Variants in UGCG observed in about 807,000 individuals in gnomAD.
UGCG encodes the protein ceramide glucosyltransferase.
UGCG carries 10 observed loss-of-function variants against 49.5 expected under a neutral mutation model. The observed-to-expected ratio is 0.20, with a 90% CI of 0.12 to 0.34. The LOEUF (loss-of-function observed/expected upper bound fraction) is 0.34. Ranked by LOEUF, UGCG falls within the 10% of genes least tolerant of loss-of-function variation. The pLI is 1.00. For missense variants in UGCG, 312 were observed against 483.7 expected, an observed-to-expected ratio of 0.65 and a Z score of 3.33; for synonymous variants, 182 against 158.2, an observed-to-expected ratio of 1.15 and a Z score of -1.13.
chr9:111,914,571 T>C (rs1378333478), intron 1 of UGCG, 34 bp from the exon 2 acceptor site: 4 of 1,606,182 alleles, frequency 2.5e-6, no homozygotes, highest in Non-Finnish European at 3.4e-6. Flanking sequence ...TAATGTATTC[T>C]ATAGAAATAA....
chr9:111,931,977 G>T, intron 7 of UGCG, 193 bp from the exon 8 acceptor site: 1 of 596,302 alleles, frequency 1.7e-6, no homozygotes, highest in South Asian at 2.1e-5. Flanking sequence ...TACAGTGAGT[G>T]CCACTGCACT....
chr9:111,911,929 TATATA>T (rs1838009341), intron 1 of UGCG, among the ~76,000 whole-genome samples: 1 of 25,750 alleles, frequency 3.9e-5, no homozygotes, highest in Non-Finnish European at 7.0e-5. Flanking sequence ...TATATATATA[TATATA>T]TATATATATA....
At chr9:111,919,454 G>A (rs1023927528) in intron 2 of UGCG, among the ~76,000 whole-genome samples, 11 of 151,838 alleles carry the variant, frequency 7.2e-5, no homozygotes, top group Admixed American at 6.6e-4. Flanking sequence ...CTGCACTCCA[G>A]CCTGGGTGAC....
intron 1 of UGCG, among the ~76,000 whole-genome samples, chr9:111,910,465 G>A (rs1405760855): frequency 6.6e-6 from 1 of 151,814 alleles, no homozygotes; most frequent in African/African-American, 2.4e-5. Context: ...CCTCTCTCTG[G>A]GCTGCATTCT....
At position 111,897,070 on chromosome 9, in the gene UGCG, T is replaced by C. The variant is rs1589513601; in HGVS notation, c.-146T>C. On this transcript the variant is annotated 5_prime_UTR_variant, in exon 1 of 9. Coordinates refer to ENST00000374279, the MANE Select transcript of UGCG (RefSeq NM_003358.3). Reference sequence around the variant, plus strand: ...GCGCAGGCCCTGCCCGCCCCTTCCGTCCCCACCCCCCTCCGCCCTTTCCTC... The same window carrying C: ...GCGCAGGCCCTGCCCGCCCCTTCCGCCCCCACCCCCCTCCGCCCTTTCCTC... 3 of 270,538 alleles carry C rather than the reference T, an allele frequency of 1.1e-5. No individual in the cohort carries two copies. The highest frequency in any genetic ancestry group is 6.2e-5 in the Admixed American group (1 of 16,256). 16.8% of individuals were successfully genotyped at this position (270,538 alleles called of 1,614,324 possible). A position where few individuals can be genotyped will look rare whatever the true frequency, so the allele number is the denominator to read the frequency against.
intron 4 of UGCG, 91 bp downstream of exon 4, chr9:111,924,969 A>C (rs1838291636): frequency 1.6e-6 from 1 of 642,170 alleles, no homozygotes; most frequent in Admixed American, 4.4e-5. Flanking sequence ...AGTTCTTTTT[A>C]TTTGCCTAAA....
intron 2 of UGCG, among the ~76,000 whole-genome samples, chr9:111,918,904 G>A (rs1375998531): frequency 1.5e-5 from 2 of 134,820 alleles, no homozygotes; most frequent in Admixed American, 8.4e-5. Context: ...CCGCCTGGGC[G>A]ACAGAACGAG....
chr9:111,896,814 A>G lies in UGCG; in HGVS notation c.-402A>G, dbSNP rs1393709913. The stretch of plus-strand genomic sequence containing the variant: ...GGGGCGCGAGCCGCCGGTTTTGATT[A>G]GTGCGCGGAGCTGCGGCGGTGGAGC... On this transcript the variant is annotated 5_prime_UTR_variant, in exon 1 of 9. Transcript: ENST00000374279. 6.6e-6 allele frequency: 1 copy of G among 151,268 alleles called. No individual in the cohort carries two copies. The highest frequency in any genetic ancestry group is 1.5e-5 in the Non-Finnish European group (1 of 67,926). The allele number at this position is 151,268 out of a possible 1,614,324, so 9.4% of individuals were successfully genotyped here.
intron 5 of UGCG, among the ~76,000 whole-genome samples, chr9:111,928,133 T>C (rs3739701): frequency 0.27 from 40,486 of 152,038 alleles, 5,668 homozygotes; most frequent in Admixed American, 0.38. Flanking sequence ...GTCTTATGAT[T>C]GCCACATATC....
At chr9:111,912,652 T>C (rs1157767542) in intron 1 of UGCG, among the ~76,000 whole-genome samples, 4 of 152,170 alleles carry the variant, frequency 2.6e-5, no homozygotes, top group Non-Finnish European at 5.9e-5. Context: ...AATAAATTGC[T>C]GATCACATGC....
At position 111,924,885 on chromosome 9, in the gene UGCG, T is replaced by C; in HGVS notation, c.445+7T>C. ...TGTGATAGTGGAATAAGAGGTGAGG[T>C]TTTTTTCTTATTTATTTTATAAAAC... On this transcript the variant is annotated splice_region_variant and intron_variant, in intron 4 of 8. Coordinates refer to ENST00000374279, the MANE Select transcript of UGCG (RefSeq NM_003358.3). 3.3e-5 allele frequency: 45 copies of C among 1,350,070 alleles called. No individual in the cohort carries two copies. The highest frequency in any genetic ancestry group is 2.2e-4 in the Middle Eastern group (1 of 4,568). The allele number at this position is 1,350,070 out of a possible 1,614,324, so 83.6% of individuals were successfully genotyped here.
chr9:111,901,912 A>C (rs775963616), intron 1 of UGCG, among the ~76,000 whole-genome samples: 21 of 152,020 alleles, frequency 1.4e-4, no homozygotes, highest in Non-Finnish European at 2.8e-4. Flanking sequence ...ATCCTTCTGG[A>C]TTACTAATCT....
chr9:111,906,554 C>T (rs995045218), intron 1 of UGCG, among the ~76,000 whole-genome samples: 19 of 152,202 alleles, frequency 1.2e-4, no homozygotes, highest in South Asian at 2.1e-4. Flanking sequence ...CTCAGCCTCC[C>T]GACTAGCTGG....
At chr9:111,921,842 A>G (rs1838228435) in intron 2 of UGCG, among the ~76,000 whole-genome samples, 1 of 54,858 alleles carries the variant, frequency 1.8e-5, no homozygotes, top group African/African-American at 6.5e-5. Context: ...GCAGGGTCTC[A>G]CTCTGTTTCC....
At chr9:111,932,403 C>A in intron 8 of UGCG, 44 bp downstream of exon 8, 1 of 1,538,704 alleles carries the variant, frequency 6.5e-7, no homozygotes, top group South Asian at 1.2e-5. Flanking sequence ...CTTGGTGGAA[C>A]TAGAACTATT....
Position 111,922,889 on chromosome 9 carries a change from C to T in UGCG, c.281C>T (p.Ala94Val), listed in dbSNP as rs1420955212. The change falls in exon 3 of 9, where the codon GCC (alanine) becomes GTC (valine). Residue 94 changes from alanine to valine, a missense_variant. Around this residue, in one of 4 missense-constraint regions of UGCG, gnomAD observed 64 missense variants for 67.6 expected, o/e 0.95. Transcript: ENST00000374279. ...TGTGTACAAGATCATGATGATCCAG[C>T]CATTGATGTATGTAAGAAGCTTCTT... is the stretch of plus-strand genomic sequence containing the variant. ...LLCVQDHDDP[A>V]IDVCKKLLGK... 1.2e-6 allele frequency: 2 copies of T among 1,612,688 alleles called. No individual in the cohort carries two copies. Among genetic ancestry groups the T allele is most frequent in the East Asian group, 2.2e-5 (1 of 44,746 alleles).
At chr9:111,930,054 G>T (rs1048501073) in intron 6 of UGCG, among the ~76,000 whole-genome samples, 1 of 152,104 alleles carries the variant, frequency 6.6e-6, no homozygotes, top group Non-Finnish European at 1.5e-5. Flanking sequence ...CTGAACTCAA[G>T]TGATCTGCCC....
At chr9:111,912,425 A>G (rs1448835425) in intron 1 of UGCG, among the ~76,000 whole-genome samples, 1 of 151,962 alleles carries the variant, frequency 6.6e-6, no homozygotes, top group Non-Finnish European at 1.5e-5. Flanking sequence ...TAAAAATACA[A>G]AAAGTTAGCT....
At position 111,926,470 on chromosome 9, in the gene UGCG, C is replaced by A. The variant is rs1339367184; in HGVS notation, c.532C>A (p.Gln178Lys). Residue 178 changes from glutamine (Q) to lysine (K), a missense_variant, in exon 5 of 9, where the codon CAG becomes AAG. By Grantham distance (53) the Gln-to-Lys change is moderately conservative. This residue lies in a region of UGCG where 180 missense variants were observed against 320.4 expected (regional missense o/e 0.56). Transcript: ENST00000374279. ...VHGLPYVADRQGFAATLEQVY... is the reference protein window; with the variant it reads ...VHGLPYVADRKGFAATLEQVY... Reference sequence around the variant, plus strand: ...CGGGCTGCCTTACGTAGCAGACAGACAGGGCTTTGCTGCCACCTTAGAGCA... The same window carrying A: ...CGGGCTGCCTTACGTAGCAGACAGAAAGGGCTTTGCTGCCACCTTAGAGCA... The A allele has an allele frequency of 6.2e-7, 1 of 1,609,984 alleles. No individual in the cohort carries two copies. Among genetic ancestry groups the A allele is most frequent in the South Asian group, 1.1e-5 (1 of 90,468 alleles).
Sources: gnomAD v4.1 joint callset for allele counts (sites outside exome capture counted in the v4.1 genomes callset) on GRCh38, gnomAD v4.1.1 for gene constraint, gnomAD v4.1.1 regional missense constraint, MANE v1.5 for transcripts, NCBI Gene and HGNC (gene_info 2026-07-23, HGNC 2026-07-21) for gene names.